ZMYM2: variants seen among roughly 807,000 people sequenced by gnomAD.
ZMYM2 encodes zinc finger MYM-type protein 2.
A neutral mutation model predicts 162.8 loss-of-function variants in ZMYM2; 56 were observed. The ratio of observed to expected loss-of-function variants is 0.34; its 90% CI spans 0.28 to 0.43. ZMYM2 has a LOEUF of 0.43. Among genes scored for constraint, ZMYM2 ranks in the 20% least tolerant of loss-of-function variants. The pLI is 1.00. For synonymous variants in ZMYM2, 510 were observed against 541.6 expected (o/e 0.94, Z 0.81); for missense variants, 1,275 against 1,621.8 (o/e 0.79, Z 3.67).
intron 3 of ZMYM2, among the ~76,000 whole-genome samples, chr13:19,996,020 A>T (rs118139324): frequency 0.011 from 1,600 of 152,010 alleles, 25 homozygotes; most frequent in Non-Finnish European, 0.011. Context: ...TGACTTTTTC[A>T]TGACATGTCT....
the ZMYM2 span, among the ~76,000 whole-genome samples, chr13:19,911,176 C>T: frequency 6.6e-6 from 1 of 151,724 alleles, no homozygotes. Flanking sequence ...TGTGCCTCAG[C>T]CTCCCAAGTA....
chr13:19,876,559 G>C, the ZMYM2 span, among the ~76,000 whole-genome samples: 1 of 151,562 alleles, frequency 6.6e-6, no homozygotes, highest in African/African-American at 2.4e-5. Flanking sequence ...CTGACCTCAA[G>C]TGATCTGCCT....
intron 6 of ZMYM2, among the ~76,000 whole-genome samples, chr13:20,016,306 T>G (rs567534253): frequency 6.6e-6 from 1 of 152,308 alleles, no homozygotes; most frequent in East Asian, 1.9e-4. Flanking sequence ...CTTTTTGTTA[T>G]AGATTACATT....
At chr13:19,883,387 T>C in the ZMYM2 span, among the ~76,000 whole-genome samples, 1 of 152,226 alleles carries the variant, frequency 6.6e-6, no homozygotes, top group East Asian at 1.9e-4. Context: ...TAGAAATGTC[T>C]AATTTTATGT....
chr13:19,935,512 A>G, the ZMYM2 span, among the ~76,000 whole-genome samples: 1 of 152,214 alleles, frequency 6.6e-6, no homozygotes, highest in African/African-American at 2.4e-5. Context: ...AATCACACCA[A>G]TAGTGCAAAA....
the ZMYM2 span, among the ~76,000 whole-genome samples, chr13:19,920,218 T>C: frequency 6.6e-6 from 1 of 152,194 alleles, no homozygotes; most frequent in African/African-American, 2.4e-5. Context: ...AAACTTTCTC[T>C]GTAAAGGGCC....
At chr13:19,974,112 A>G (rs1956574505) in intron 2 of ZMYM2, among the ~76,000 whole-genome samples, 1 of 152,242 alleles carries the variant, frequency 6.6e-6, no homozygotes, top group African/African-American at 2.4e-5. Context: ...GTATATTTGC[A>G]TATGATACCA....
chr13:20,082,151 G>T (rs531834524), intron 22 of ZMYM2, 21 bp downstream of exon 22: 1 of 1,511,002 alleles, frequency 6.6e-7, no homozygotes, highest in South Asian at 1.2e-5. Context: ...TTTCACTAAA[G>T]GTGTTGCTCT....
chr13:19,915,864 C>CTT, the ZMYM2 span, among the ~76,000 whole-genome samples: 725 of 143,856 alleles, frequency 5.0e-3, 13 homozygotes, highest in East Asian at 0.042. Flanking sequence ...TGAAATGACA[C>CTT]TTTTTTTTTT....
intron 6 of ZMYM2, among the ~76,000 whole-genome samples, chr13:20,017,940 G>T (rs891064371): frequency 6.6e-6 from 1 of 152,024 alleles, no homozygotes; most frequent in African/African-American, 2.4e-5. Flanking sequence ...AGTTTTCCTG[G>T]TGTTTGGCAT....
chr13:20,082,233 A>G (rs1957959945), intron 22 of ZMYM2, 103 bp downstream of exon 22: 5 of 883,148 alleles, frequency 5.7e-6, no homozygotes, highest in East Asian at 3.0e-5. Flanking sequence ...AAATTAGATA[A>G]CATTTTCTGA....
chr13:19,996,070 C>T (rs1225055103), intron 3 of ZMYM2, among the ~76,000 whole-genome samples: 2 of 9,288 alleles, frequency 2.2e-4, no homozygotes, highest in African/African-American at 2.4e-4. Flanking sequence ...CCCCCAATTC[C>T]TCTGTGTGTG....
At chr13:19,973,917 A>G (rs1406809249) in intron 2 of ZMYM2, among the ~76,000 whole-genome samples, 1 of 152,130 alleles carries the variant, frequency 6.6e-6, no homozygotes, top group Non-Finnish European at 1.5e-5. Flanking sequence ...GTGTGGCCCA[A>G]GACAGTTCTT....
At chr13:19,928,853 C>A in the ZMYM2 span, among the ~76,000 whole-genome samples, 1 of 152,034 alleles carries the variant, frequency 6.6e-6, no homozygotes, top group Admixed American at 6.6e-5. Flanking sequence ...CCATGTTGGC[C>A]AGGTTGGTGT....
intron 12 of ZMYM2, among the ~76,000 whole-genome samples, chr13:20,045,020 A>C: frequency 7.3e-6 from 1 of 137,816 alleles, no homozygotes. Flanking sequence ...ACTACACTCC[A>C]GCCCGGGCGA....
chr13:19,929,701 T>C, the ZMYM2 span, among the ~76,000 whole-genome samples: 1 of 152,184 alleles, frequency 6.6e-6, no homozygotes, highest in African/African-American at 2.4e-5. Flanking sequence ...TAATTTTCCA[T>C]CTCAGACTTC....
chr13:19,878,757 G>A, the ZMYM2 span, among the ~76,000 whole-genome samples: 1 of 152,022 alleles, frequency 6.6e-6, no homozygotes, highest in East Asian at 1.9e-4. Flanking sequence ...CCTGACATCG[G>A]GTGATCCACC....
chr13:20,046,564 A>AAATATAT (rs766574183), intron 12 of ZMYM2, among the ~76,000 whole-genome samples: 23 of 103,868 alleles, frequency 2.2e-4, no homozygotes, highest in African/African-American at 4.9e-4. Context: ...TAAAAAAAAA[A>AAATATAT]ATATATATAT....
chr13:19,995,766 A>T (rs988055887), intron 3 of ZMYM2, among the ~76,000 whole-genome samples: 1 of 152,184 alleles, frequency 6.6e-6, no homozygotes, highest in African/African-American at 2.4e-5. Flanking sequence ...AAACTTTAAA[A>T]TATGGAAGTG....
Sources: gnomAD v4.1 joint callset for allele counts (sites outside exome capture counted in the v4.1 genomes callset) on GRCh38, gnomAD v4.1.1 for gene constraint, MANE v1.5 for transcripts, NCBI Gene and HGNC (gene_info 2026-07-23, HGNC 2026-07-21) for gene names.